LAMC2: variants seen among roughly 807,000 people sequenced by gnomAD.
The protein encoded by LAMC2 is laminin subunit gamma-2.
Under a neutral mutation model 140.2 loss-of-function variants are expected in LAMC2, and 97 were observed. That is an observed-to-expected ratio of 0.69 (90% confidence interval 0.59 to 0.82). LAMC2 has a LOEUF of 0.82. LAMC2 is among the 40% of genes least tolerant of loss of function. LAMC2 has a pLI of 0.00. For missense variants in LAMC2, 1,402 were observed against 1,476.1 expected (o/e 0.95, Z 0.82); for synonymous variants, 513 against 540.2 (o/e 0.95, Z 0.70).
intron 1 of LAMC2, among the ~76,000 whole-genome samples, chr1:183,193,425 C>T (rs1490886206): frequency 6.6e-6 from 1 of 152,200 alleles, no homozygotes; most frequent in Non-Finnish European, 1.5e-5. Flanking sequence ...ATTTCTGTCT[C>T]CCTGCTACAG....
intron 1 of LAMC2, among the ~76,000 whole-genome samples, chr1:183,195,469 T>C (rs1658485107): frequency 6.6e-6 from 1 of 152,194 alleles, no homozygotes; most frequent in Admixed American, 6.5e-5. Flanking sequence ...GCCTGTGAGA[T>C]TAGAGAACTG....
rs865779458 is a variant in LAMC2, at chr1:183,201,455, C to T, written c.80-6426C>T. Among the ~76,000 whole-genome samples, 5 of 152,190 alleles carry T rather than the reference C, an allele frequency of 3.3e-5. No homozygotes were observed. In the South Asian group the frequency reaches 6.2e-4, roughly 19 times the overall value. On this transcript the variant is annotated intron_variant, in intron 1 of 22. Coordinates refer to ENST00000264144, the MANE Select transcript of LAMC2 (RefSeq NM_005562.3). Reference sequence around the variant, plus strand: ...CTTGCTCTTTCCTTTGTCAGGGGCACTCCCTGCTTCCACCCTCCCTAACTC... The same window carrying T: ...CTTGCTCTTTCCTTTGTCAGGGGCATTCCCTGCTTCCACCCTCCCTAACTC...
chr1:183,227,007 G>C lies in LAMC2; in HGVS notation c.1285+91G>C, dbSNP rs566119599. 4.7e-5 allele frequency: 48 copies of C among 1,028,920 alleles called. No individual in the cohort carries two copies. In the Admixed American group the frequency reaches 6.8e-4, roughly 15 times the overall value. The allele number at this position is 1,028,920 out of a possible 1,614,324, so 63.7% of individuals were successfully genotyped here. A position where few individuals can be genotyped will look rare whatever the true frequency, so the allele number is the denominator to read the frequency against. ...AAAGACCATGGCTGAACTCACATCA[G>C]AGGTGGGAAAGGATTAAGGAGAGCA... is the stretch of plus-strand genomic sequence containing the variant. On this transcript the variant is annotated intron_variant, in intron 9 of 22. Transcript: ENST00000264144.
At chr1:183,224,779 A>G (rs1159239596) in intron 7 of LAMC2, among the ~76,000 whole-genome samples, 3 of 152,050 alleles carry the variant, frequency 2.0e-5, no homozygotes, top group African/African-American at 7.2e-5. Context: ...TTCAGCTTAC[A>G]TGTTCTTCCT....
chr1:183,221,343 T>C (rs1281878078), intron 5 of LAMC2, among the ~76,000 whole-genome samples: 1 of 152,250 alleles, frequency 6.6e-6, no homozygotes, highest in African/African-American at 2.4e-5. Flanking sequence ...AATGAGCTGA[T>C]TTATGTGAAA....
At position 183,207,902 on chromosome 1, in the gene LAMC2, C is replaced by G; in HGVS notation, c.101C>G (p.Ser34Cys). ...CCAGTCTGTGATTGCAATGGGAAGT[C>G]CAGGCAGTGTATCTTTGATCGGGAA... ...RREVCDCNGK[S>C]RQCIFDRELH... is the part of the protein sequence containing the mutation. Residue 34 changes from serine to cysteine, a missense_variant, in exon 2 of 23, where the codon TCC becomes TGC. Ser to Cys is a moderately radical substitution (Grantham distance 112, BLOSUM62 -1). Transcript: ENST00000264144. The G allele has an allele frequency of 6.2e-7, 1 of 1,608,934 alleles. No homozygotes were observed. Among genetic ancestry groups the G allele is most frequent in the Non-Finnish European group, 8.5e-7 (1 of 1,179,274 alleles).
chr1:183,208,001 A>G lies in LAMC2; in HGVS notation c.200A>G (p.Lys67Arg), dbSNP rs1172413667. The G allele has an allele frequency of 1.9e-6, 3 of 1,614,186 alleles. No individual in the cohort carries two copies. Among genetic ancestry groups the G allele is most frequent in the Admixed American group, 1.7e-5 (1 of 60,022 alleles). ...AACACTGATGGCATTCACTGCGAGA[A>G]GTGCAAGAATGGCTTTTACCGGCAC... ...NDNTDGIHCE[K>R]CKNGFYRHRE... The change falls in exon 2 of 23, where the codon AAG becomes AGG. Residue 67 changes from lysine to arginine, a missense_variant. This residue lies in a region of LAMC2 where 723 missense variants were observed against 783.3 expected (regional missense o/e 0.92). Transcript: ENST00000264144.
At chr1:183,246,817 C>T (rs1660251811), downstream of LAMC2, among the ~76,000 whole-genome samples, 1 of 152,168 alleles carries the variant, frequency 6.6e-6, no homozygotes, top group Non-Finnish European at 1.5e-5. Flanking sequence ...TTCAATTTTC[C>T]CACCTGGAGA....
Position 183,232,871 on chromosome 1 carries a change from G to A in LAMC2, c.2220+14G>A. The A allele has an allele frequency of 6.2e-7, 1 of 1,613,192 alleles. No homozygotes were observed. Among genetic ancestry groups the A allele is most frequent in the Non-Finnish European group, 8.5e-7 (1 of 1,179,246 alleles). ...TTGGGAAACACTGTAGGTTTTTGCT[G>A]GGCTAGAGTATTGAGAATACTGCTG... On this transcript the variant is annotated intron_variant, in intron 14 of 22. Coordinates refer to ENST00000264144, the MANE Select transcript of LAMC2 (RefSeq NM_005562.3).
chr1:183,234,587 GT>G (rs1374017609), intron 15 of LAMC2, 141 bp downstream of exon 15: 17 of 741,014 alleles, frequency 2.3e-5, no homozygotes, highest in Admixed American at 8.3e-5. Context: ...CTTGAAACCA[GT>G]TTTTAACCAC....
Position 183,243,366 on chromosome 1 carries a change from G to A in LAMC2, c.3548G>A (p.Gly1183Asp). The A allele has an allele frequency of 3.1e-6, 5 of 1,614,222 alleles. No individual in the cohort carries two copies. The highest frequency in any genetic ancestry group is 4.2e-6 in the Non-Finnish European group (5 of 1,180,038). ...LENIRDNLPP[G>D]CYNTQALEQQ ...AACATTAGGGACAACCTGCCCCCAG[G>A]CTGCTACAATACCCAGGCTCTTGAG... The change falls in exon 23 of 23, where the codon GGC becomes GAC. Residue 1183 changes from glycine to aspartate, a missense_variant. Gly to Asp is a moderately conservative substitution (Grantham distance 94). Coordinates refer to ENST00000264144, the MANE Select transcript of LAMC2 (RefSeq NM_005562.3).
At chr1:183,207,027 A>C (rs1461015786) in intron 1 of LAMC2, among the ~76,000 whole-genome samples, 1 of 152,226 alleles carries the variant, frequency 6.6e-6, no homozygotes, top group Non-Finnish European at 1.5e-5. Context: ...TTTACAATCC[A>C]GGGAGGCAGA....
chr1:183,234,253 C>T, intron 14 of LAMC2, 114 bp from the exon 15 acceptor site: 1 of 763,706 alleles, frequency 1.3e-6, no homozygotes, highest in East Asian at 2.6e-5. Flanking sequence ...GGGTGTGGAA[C>T]CCTGTGTGGC....
chr1:183,207,808 A>C lies in LAMC2; in HGVS notation c.80-73A>C, dbSNP rs192991382. 338 of 1,254,810 alleles carry C rather than the reference A, an allele frequency of 2.7e-4. No individual in the cohort carries two copies. The African/African-American group carries it at 4.4e-3, about 16-fold the overall frequency. 77.7% of individuals were successfully genotyped at this position (1,254,810 alleles called of 1,614,324 possible). On this transcript the variant is annotated intron_variant, in intron 1 of 22. Coordinates refer to ENST00000264144, the MANE Select transcript of LAMC2 (RefSeq NM_005562.3). ...CATAATTTCTATCAATAATAACATAAACACCTGCTAGAACAGTTCCTGAGG... is the reference window on the plus strand; with the variant it reads ...CATAATTTCTATCAATAATAACATACACACCTGCTAGAACAGTTCCTGAGG...
the LAMC2 span, among the ~76,000 whole-genome samples, chr1:183,257,371 G>A: frequency 7.2e-5 from 11 of 152,044 alleles, no homozygotes; most frequent in East Asian, 3.9e-4. Context: ...AACCCGGGAC[G>A]CGGAGGTTGC....
At chr1:183,249,974 A>G (rs200629662), downstream of LAMC2, 3 of 152,110 alleles carry the variant, frequency 2.0e-5, no homozygotes, top group Non-Finnish European at 4.4e-5. Context: ...GTGCAGAACC[A>G]GCCTCATTCC....
chr1:183,211,310 AG>A (rs68030389), intron 2 of LAMC2, among the ~76,000 whole-genome samples: 26,866 of 152,116 alleles, frequency 0.18, 2,460 homozygotes, highest in East Asian at 0.27. Flanking sequence ...TAAGTTTTTG[AG>A]GTCTATGTGA....
chr1:183,210,063 C>A (rs148153791), intron 2 of LAMC2, among the ~76,000 whole-genome samples: 2,027 of 152,258 alleles, frequency 0.013, 19 homozygotes, highest in Middle Eastern at 0.031. Context: ...ATTAATTAAT[C>A]TTCACAAATA....
intron 4 of LAMC2, among the ~76,000 whole-genome samples, 163 bp downstream of exon 4, chr1:183,218,651 A>T (rs966837647): frequency 5.6e-4 from 86 of 152,300 alleles, no homozygotes; most frequent in African/African-American, 2.0e-3. Context: ...CAACAACAAC[A>T]GCAAAAACAC....
Sources: gnomAD v4.1 joint callset for allele counts (sites outside exome capture counted in the v4.1 genomes callset) on GRCh38, gnomAD v4.1.1 for gene constraint, gnomAD v4.1.1 regional missense constraint, MANE v1.5 for transcripts, NCBI Gene and HGNC (gene_info 2026-07-23, HGNC 2026-07-21) for gene names.